DCDC2C: variants seen among roughly 807,000 people sequenced by gnomAD.
DCDC2C encodes the protein doublecortin domain-containing protein 2C.
Under a neutral mutation model 45.0 loss-of-function variants are expected in DCDC2C, and 44 were observed. The observed-to-expected ratio is 0.98, with a 90% confidence interval of 0.77 to 1.26. The LOEUF is 1.26. DCDC2C is among the 50% of genes most tolerant of loss of function. The probability of loss-of-function intolerance (pLI) is 0.00; values close to 1 mark genes in which losing one functional copy is unlikely to be tolerated. For missense variants in DCDC2C, 447 were observed against 468.9 expected (o/e 0.95, Z 0.43); for synonymous variants, 187 against 178.8 (o/e 1.05, Z -0.37).
chr2:3,713,771 T>G (rs1273978197), intron 2 of DCDC2C, among the ~76,000 whole-genome samples: 1 of 152,228 alleles, frequency 6.6e-6, no homozygotes, highest in Non-Finnish European at 1.5e-5. Context: ...ATGGTATCTG[T>G]CAGAATGTGA....
chr2:3,724,624 C>G (rs1033681424), intron 2 of DCDC2C, among the ~76,000 whole-genome samples: 5 of 152,162 alleles, frequency 3.3e-5, no homozygotes, highest in Admixed American at 2.0e-4. Context: ...TCGTCGAGCT[C>G]CTGTAACATT....
chr2:3,785,075 G>A lies in DCDC2C; in HGVS notation c.1040G>A (p.Arg347Lys). ...FEGNKDKEDA[R>K]LCEDVERKMA... ...TCATACTAGGATAAAGAAGATGCAA[G>A]GCTTTGTGAAGACGTTGAAAGAAAG... Residue 347 changes from arginine (R) to lysine (K), a missense_variant, in exon 10 of 11, where the codon AGG becomes AAG. Physicochemically the swap from Arg to Lys is conservative, Grantham distance 26. Coordinates refer to ENST00000399143, the MANE Select transcript of DCDC2C (RefSeq NM_001287444.2). 8.1e-7 allele frequency: 1 copy of A among 1,231,692 alleles called. No individual in the cohort carries two copies. 76.3% of individuals were successfully genotyped at this position (1,231,692 alleles called of 1,614,324 possible). A position where few individuals can be genotyped will look rare whatever the true frequency, so the allele number is the denominator to read the frequency against.
intron 4 of DCDC2C, among the ~76,000 whole-genome samples, chr2:3,752,021 GCACCGTA>G (rs1669557339): frequency 6.6e-6 from 1 of 152,218 alleles, no homozygotes; most frequent in African/African-American, 2.4e-5. Flanking sequence ...CCTTTTTACA[GCACCGTA>G]CATGATGAAA....
At chr2:3,740,676 A>G (rs1210871985) in intron 3 of DCDC2C, among the ~76,000 whole-genome samples, 1 of 152,196 alleles carries the variant, frequency 6.6e-6, no homozygotes, top group African/African-American at 2.4e-5. Context: ...CTTGCATGGA[A>G]CATTTCTTTT....
rs1659314973 is a variant in DCDC2C at position 3,847,755 on chromosome 2, G to A, written c.*572G>A. On this transcript the variant is annotated 3_prime_UTR_variant, in exon 11 of 11. Coordinates refer to ENST00000399143, the MANE Select transcript of DCDC2C (RefSeq NM_001287444.2). ...TTGGAGGAGGGGGCCGGTGGGAGGTGATTGAATCATGGGGGTGGTCTTCCC... is the reference window on the plus strand; with the variant it reads ...TTGGAGGAGGGGGCCGGTGGGAGGTAATTGAATCATGGGGGTGGTCTTCCC... Among the ~76,000 whole-genome samples, 1 of 152,152 alleles carries A rather than the reference G, an allele frequency of 6.6e-6. No individual in the cohort carries two copies. The highest frequency in any genetic ancestry group is 1.5e-5 in the Non-Finnish European group (1 of 68,018).
chr2:3,745,838 T>C (rs1669344988), intron 4 of DCDC2C, among the ~76,000 whole-genome samples: 2 of 151,772 alleles, frequency 1.3e-5, no homozygotes, highest in African/African-American at 4.8e-5. Context: ...GCCTCCTGAG[T>C]AGTTGGGACT....
rs188242655 is a variant in DCDC2C at position 3,723,142 on chromosome 2, G to C, written c.340-3861G>C. ...GGTAGCATTCACTCATCCATTATTC[G>C]TTTGTCTTCATGAAATAGTTATTGA... On this transcript the variant is annotated intron_variant, in intron 2 of 10. Transcript: ENST00000399143. Among the ~76,000 whole-genome samples the C allele has an allele frequency of 4.2e-4, 64 of 152,126 alleles. No individual in the cohort carries two copies. In the East Asian group the frequency reaches 0.012, roughly 28 times the overall value.
intron 3 of DCDC2C, among the ~76,000 whole-genome samples, chr2:3,739,186 GAATAA>G (rs1481464181): frequency 5.9e-5 from 9 of 152,174 alleles, no homozygotes; most frequent in African/African-American, 1.9e-4. Flanking sequence ...AAAGCATAAA[GAATAA>G]AATAAAATTC....
intron 3 of DCDC2C, among the ~76,000 whole-genome samples, chr2:3,732,278 T>A (rs545168327): frequency 6.6e-6 from 1 of 152,146 alleles, no homozygotes; most frequent in South Asian, 2.1e-4. Context: ...AGAAGCCAAC[T>A]GTGTCATGGC....
intron 4 of DCDC2C, among the ~76,000 whole-genome samples, chr2:3,747,255 G>A (rs183757549): frequency 6.6e-6 from 1 of 152,234 alleles, no homozygotes; most frequent in Non-Finnish European, 1.5e-5. Context: ...AGGGCTCAGT[G>A]TCAGTCATGC....
At chr2:3,739,677 C>T (rs1342472660) in intron 3 of DCDC2C, among the ~76,000 whole-genome samples, 1 of 152,256 alleles carries the variant, frequency 6.6e-6, no homozygotes, top group African/African-American at 2.4e-5. Flanking sequence ...AGAGCTACGT[C>T]CACTCAATAA....
intron 10 of DCDC2C, among the ~76,000 whole-genome samples, chr2:3,825,859 C>T (rs983770801): frequency 6.6e-6 from 1 of 152,178 alleles, no homozygotes; most frequent in Non-Finnish European, 1.5e-5. Flanking sequence ...TGAGTGCATT[C>T]ACATCTTCAG....
chr2:3,746,201 T>G (rs920202248), intron 4 of DCDC2C, among the ~76,000 whole-genome samples: 15 of 152,110 alleles, frequency 9.9e-5, no homozygotes, highest in African/African-American at 3.6e-4. Context: ...GGGCAGCATG[T>G]TCTTGAGAGG....
At chr2:3,754,874 G>T (rs933185004) in intron 6 of DCDC2C, among the ~76,000 whole-genome samples, 1 of 152,220 alleles carries the variant, frequency 6.6e-6, no homozygotes, top group African/African-American at 2.4e-5. Flanking sequence ...ACACACATAG[G>T]TATTTATAAT....
chr2:3,776,527 C>T (rs186223909), intron 8 of DCDC2C, among the ~76,000 whole-genome samples: 23 of 152,316 alleles, frequency 1.5e-4, no homozygotes, highest in Non-Finnish European at 1.5e-5. Context: ...CTTCCTTTGG[C>T]AAGAGAATCT....
intron 10 of DCDC2C, among the ~76,000 whole-genome samples, chr2:3,797,772 G>A (rs1203092971): frequency 6.6e-6 from 1 of 151,888 alleles, no homozygotes; most frequent in Non-Finnish European, 1.5e-5. Flanking sequence ...CATTTGCTGA[G>A]GAGAGCTTTA....
chr2:3,809,393 T>C (rs1209692556), intron 10 of DCDC2C, among the ~76,000 whole-genome samples: 4 of 152,232 alleles, frequency 2.6e-5, no homozygotes, highest in African/African-American at 9.6e-5. Context: ...TATTTATTCA[T>C]GTCTATTTTT....
chr2:3,779,427 C>T (rs1280485937), intron 9 of DCDC2C, among the ~76,000 whole-genome samples: 1 of 152,208 alleles, frequency 6.6e-6, no homozygotes, highest in East Asian at 1.9e-4. Flanking sequence ...GAAACTTCCT[C>T]CATGCAGGGA....
chr2:3,825,688 A>G (rs1671798064), intron 10 of DCDC2C, among the ~76,000 whole-genome samples: 1 of 152,084 alleles, frequency 6.6e-6, no homozygotes, highest in African/African-American at 2.4e-5. Flanking sequence ...TGGAGGCTGA[A>G]GGTTGACTAG....
Sources: gnomAD v4.1 joint callset for allele counts (sites outside exome capture counted in the v4.1 genomes callset) on GRCh38, gnomAD v4.1.1 for gene constraint, MANE v1.5 for transcripts, NCBI Gene and HGNC (gene_info 2026-07-23, HGNC 2026-07-21) for gene names.